The following POLR1F variants were observed in gnomAD, a reference collection of about 807,000 sequenced individuals.
The protein encoded by POLR1F is RNA polymerase I subunit F, also known as DNA-directed RNA polymerase I subunit RPA43.
A neutral mutation model predicts 21.8 loss-of-function variants in POLR1F; 23 were observed. That is an observed-to-expected ratio of 1.05 (90% CI 0.76 to 1.49). POLR1F has a LOEUF of 1.49. Among genes scored for constraint, POLR1F ranks in the 40% most tolerant of loss-of-function variants. POLR1F has a pLI of 0.00. For missense variants in POLR1F, 435 were observed against 412.1 expected, an observed-to-expected ratio of 1.06 and a Z score of -0.48; for synonymous variants, 162 against 152.8, an observed-to-expected ratio of 1.06 and a Z score of -0.45.
At position 19,700,180 on chromosome 7, in the gene POLR1F, C is replaced by T. The variant is rs1490039062; in HGVS notation, c.497G>A (p.Trp166Ter). The T allele has an allele frequency of 2.5e-6, 4 of 1,613,908 alleles. No individual in the cohort carries two copies. Among genetic ancestry groups the T allele is most frequent in the African/African-American group, 2.7e-5 (2 of 75,026 alleles). Residue 166 changes from tryptophan (W) to a stop codon, truncating the protein, a stop_gained, in exon 3 of 4, where the codon TGG (tryptophan) becomes TAG (stop). Transcript: ENST00000222567. LOFTEE classifies it high-confidence loss of function. ...ACCCATGTTTATCTCCATGGTTTGCCACTGCTCAGCTGACAACTGCTCAGG... is the reference window on the plus strand; with the variant it reads ...ACCCATGTTTATCTCCATGGTTTGCTACTGCTCAGCTGACAACTGCTCAGG... Reference protein sequence around the residue: ...PKPEQLSAEQWQTMEINMGDE... With the variant: ...PKPEQLSAEQ
chr7:19,700,866 T>C (rs1352336330), intron 2 of POLR1F, among the ~76,000 whole-genome samples: 1 of 152,224 alleles, frequency 6.6e-6, no homozygotes, highest in African/African-American at 2.4e-5. Context: ...TTTGGCTAAA[T>C]CACGAAAGTA....
Position 19,698,131 on chromosome 7 carries a change from G to T in POLR1F, c.*185C>A. 2.1e-6 allele frequency: 1 copy of T among 473,460 alleles called. No individual in the cohort carries two copies. 29.3% of individuals were successfully genotyped at this position (473,460 alleles called of 1,614,324 possible). A position where few individuals can be genotyped will look rare whatever the true frequency, so the allele number is the denominator to read the frequency against. On this transcript the variant is annotated 3_prime_UTR_variant, in exon 4 of 4. Transcript: ENST00000222567. ...ATAAAATGGTATTTTAACAATACTG[G>T]CTTTCCCCAAATTAATTTACAGTCA... is the stretch of plus-strand genomic sequence containing the variant.
chr7:19,706,693 T>A lies in POLR1F; in HGVS notation c.255-1773A>T, dbSNP rs540577006. 3.3e-5 allele frequency among the ~76,000 whole-genome samples: 5 copies of A among 152,290 alleles called. No homozygotes were observed. The South Asian group carries it at 1.0e-3, about 32-fold the overall frequency. ...TGCACAGTTTTAATATATATTAAAA[T>A]TTTCAGGAACTTAGCAGTATATAAA... On this transcript the variant is annotated intron_variant, in intron 1 of 3. Transcript: ENST00000222567.
rs755074923 is a variant in POLR1F at position 19,708,934 on chromosome 7, C to A, written c.83G>T (p.Cys28Phe). The change falls in exon 1 of 4, where the codon TGC (cysteine) becomes TTC (phenylalanine). Residue 28 changes from cysteine (C) to phenylalanine (F), a missense_variant. Coordinates refer to ENST00000222567, the MANE Select transcript of POLR1F (RefSeq NM_001002926.2). ...AGCGGCATAAGTCGGCAACTCTAGGCAAGGCAGGACGCCAGCCTGCCCTAC... is the reference window on the plus strand; with the variant it reads ...AGCGGCATAAGTCGGCAACTCTAGGAAAGGCAGGACGCCAGCCTGCCCTAC... ...SLVGQAGVLP[C>F]LELPTYAAAC... is the part of the protein sequence containing the mutation. The A allele has an allele frequency of 6.2e-7, 1 of 1,613,422 alleles. No individual in the cohort carries two copies.
chr7:19,696,055 G>A lies in POLR1F; in HGVS notation c.*2261C>T, dbSNP rs1383564003. On this transcript the variant is annotated 3_prime_UTR_variant, in exon 4 of 4. Coordinates refer to ENST00000222567, the MANE Select transcript of POLR1F (RefSeq NM_001002926.2). ...AAATGGGTGAATGATAGGAACTGGA[G>A]AGAGGGTAAGGGATCTAGTCTAGGC... 1.3e-5 allele frequency: 2 copies of A among 152,146 alleles called. No homozygotes were observed. Among genetic ancestry groups the A allele is most frequent in the African/African-American group, 4.8e-5 (2 of 41,442 alleles). 9.4% of individuals were successfully genotyped at this position (152,146 alleles called of 1,614,324 possible).
Position 19,698,390 on chromosome 7 carries a change from G to C in POLR1F, c.943C>G (p.His315Asp). 6.2e-7 allele frequency: 1 copy of C among 1,600,252 alleles called. No individual in the cohort carries two copies. Among genetic ancestry groups the C allele is most frequent in the Non-Finnish European group, 8.5e-7 (1 of 1,176,844 alleles). Residue 315 changes from histidine to aspartate, a missense_variant, in exon 4 of 4, where the codon CAC becomes GAC. Coordinates refer to ENST00000222567, the MANE Select transcript of POLR1F (RefSeq NM_001002926.2). ...DHKKKKKKRK[H>D]SEEAEFTPPL... ...GGGGTAAATTCGGCCTCTTCACTGT[G>C]TTTTCTTTTCTTTTTTTTCTTTTTA...
chr7:19,702,232 G>A (rs186452824), intron 2 of POLR1F, among the ~76,000 whole-genome samples: 4 of 152,140 alleles, frequency 2.6e-5, no homozygotes, highest in Middle Eastern at 3.4e-3. Context: ...GAAAGGGGGT[G>A]GTTATATGGG....
intron 1 of POLR1F, 80 bp downstream of exon 1, chr7:19,708,683 C>T (rs1391673808): frequency 5.2e-6 from 8 of 1,543,414 alleles, no homozygotes; most frequent in Non-Finnish European, 1.8e-6. Context: ...TGCCATTTGC[C>T]CCTTTCTGCT....
At position 19,698,213 on chromosome 7, in the gene POLR1F, T is replaced by G. The variant is rs558378659; in HGVS notation, c.*103A>C. ...ACTCCTAGTTAAGTATTTTCTGTTT[T>G]GTAAACTACTGGCATACTTAACCTT... On this transcript the variant is annotated 3_prime_UTR_variant, in exon 4 of 4. Transcript: ENST00000222567. The G allele has an allele frequency of 4.4e-5, 48 of 1,095,814 alleles. No homozygotes were observed. In the African/African-American group the frequency reaches 7.3e-4, roughly 17 times the overall value. The allele number at this position is 1,095,814 out of a possible 1,614,324, so 67.9% of individuals were successfully genotyped here.
rs1356359900 is a variant in POLR1F at position 19,696,472 on chromosome 7, A to C, written c.*1844T>G. The C allele has an allele frequency of 6.6e-6, 1 of 152,088 alleles. No individual in the cohort carries two copies. The highest frequency in any genetic ancestry group is 2.4e-5 in the African/African-American group (1 of 41,430). 9.4% of individuals were successfully genotyped at this position (152,088 alleles called of 1,614,324 possible). On this transcript the variant is annotated 3_prime_UTR_variant, in exon 4 of 4. Transcript: ENST00000222567. Reference sequence around the variant, plus strand: ...TTTGCCATCTTTCTTGTGTCTATGGAAAAGGGGTTTAGAATTGTTTCACTA... The same window carrying C: ...TTTGCCATCTTTCTTGTGTCTATGGCAAAGGGGTTTAGAATTGTTTCACTA...
At chr7:19,705,680 T>C (rs531848626) in intron 1 of POLR1F, among the ~76,000 whole-genome samples, 23 of 152,318 alleles carry the variant, frequency 1.5e-4, no homozygotes, top group Non-Finnish European at 2.6e-4. Context: ...AGTCTACAAA[T>C]GTAACAGTCA....
chr7:19,704,064 G>C lies in POLR1F; in HGVS notation c.396+715C>G, dbSNP rs771936234. Among the ~76,000 whole-genome samples, 17 of 152,202 alleles carry C rather than the reference G, an allele frequency of 1.1e-4. No individual in the cohort carries two copies. In the South Asian group the frequency reaches 1.5e-3, roughly 13 times the overall value. On this transcript the variant is annotated intron_variant, in intron 2 of 3. Transcript: ENST00000222567. The stretch of plus-strand genomic sequence containing the variant: ...TGATATTGAAAAATGAAAAAAATTG[G>C]AAGTGTCTTGTGGGTTTTGTCATGG...
At chr7:19,700,361 C>T in intron 2 of POLR1F, 81 bp from the exon 3 acceptor site, 1 of 1,025,288 alleles carries the variant, frequency 9.8e-7, no homozygotes, top group Non-Finnish European at 1.5e-6. Flanking sequence ...TTACAAGCTT[C>T]AAATAATCTT....
At chr7:19,707,279 T>C (rs1428705300) in intron 1 of POLR1F, among the ~76,000 whole-genome samples, 1 of 152,180 alleles carries the variant, frequency 6.6e-6, no homozygotes, top group Non-Finnish European at 1.5e-5. Context: ...TTCTCAAAAG[T>C]GTGCCAAGTC....
chr7:19,708,933 G>C lies in POLR1F; in HGVS notation c.84C>G (p.Cys28Trp), dbSNP rs1053942848. 1 of 1,613,552 alleles carries C rather than the reference G, an allele frequency of 6.2e-7. No individual in the cohort carries two copies. The highest frequency in any genetic ancestry group is 8.5e-7 in the Non-Finnish European group (1 of 1,179,864). ...CAGCGGCATAAGTCGGCAACTCTAGGCAAGGCAGGACGCCAGCCTGCCCTA... is the reference window on the plus strand; with the variant it reads ...CAGCGGCATAAGTCGGCAACTCTAGCCAAGGCAGGACGCCAGCCTGCCCTA... ...SLVGQAGVLP[C>W]LELPTYAAAC... The change falls in exon 1 of 4, where the codon TGC (cysteine) becomes TGG (tryptophan). Residue 28 changes from cysteine to tryptophan, a missense_variant. Cys to Trp is a radical substitution (Grantham distance 215). Transcript: ENST00000222567.
intron 2 of POLR1F, among the ~76,000 whole-genome samples, chr7:19,701,718 T>C (rs1783448849): frequency 7.0e-6 from 1 of 142,026 alleles, no homozygotes; most frequent in Non-Finnish European, 1.6e-5. Context: ...TCAGATGGCC[T>C]CTGGGGGGGC....
rs1019275029 is a variant in POLR1F at position 19,704,038 on chromosome 7, T to C, written c.396+741A>G. 2.6e-5 allele frequency among the ~76,000 whole-genome samples: 4 copies of C among 152,366 alleles called. No homozygotes were observed. In the South Asian group the frequency reaches 8.3e-4, roughly 32 times the overall value. On this transcript the variant is annotated intron_variant, in intron 2 of 3. Coordinates refer to ENST00000222567, the MANE Select transcript of POLR1F (RefSeq NM_001002926.2). ...GGCAAAGGATACTACTTGTATTAAT[T>C]TGATATTGAAAAATGAAAAAAATTG...
Position 19,696,497 on chromosome 7 carries a change from A to G in POLR1F, c.*1819T>C, listed in dbSNP as rs1470845054. 1 of 152,114 alleles carries G rather than the reference A, an allele frequency of 6.6e-6. No homozygotes were observed. The highest frequency in any genetic ancestry group is 2.4e-5 in the African/African-American group (1 of 41,448). The allele number at this position is 152,114 out of a possible 1,614,324, so 9.4% of individuals were successfully genotyped here. A position where few individuals can be genotyped will look rare whatever the true frequency, so the allele number is the denominator to read the frequency against. On this transcript the variant is annotated 3_prime_UTR_variant, in exon 4 of 4. Transcript: ENST00000222567. ...AAAAGGGGTTTAGAATTGTTTCACT[A>G]AAAATTAAATTTCTATATTGTCAAA...
intron 1 of POLR1F, 67 bp downstream of exon 1, chr7:19,708,696 G>A: frequency 6.4e-7 from 1 of 1,556,254 alleles, no homozygotes; most frequent in Non-Finnish European, 8.7e-7. Context: ...TTTCTGCTGC[G>A]TCGTCAGCAC....
Sources: allele counts gnomAD v4.1 joint callset (sites outside exome capture counted in the v4.1 genomes callset), GRCh38; gene constraint gnomAD v4.1.1; transcripts MANE v1.5; gene names NCBI Gene and HGNC (gene_info 2026-07-23, HGNC 2026-07-21).